The following MARCHF11 variants were observed in gnomAD, a reference collection of about 807,000 sequenced individuals.
MARCHF11 encodes E3 ubiquitin-protein ligase MARCHF11.
In MARCHF11, 29 loss-of-function variants were observed where a neutral mutation model predicts 37.3. That is an observed-to-expected ratio of 0.78 (90% confidence interval 0.58 to 1.06). The LOEUF (loss-of-function observed/expected upper bound fraction) is 1.06. Ranked by LOEUF, MARCHF11 falls within the 50% of genes least tolerant of loss-of-function variation. The pLI is 0.00. For synonymous variants in MARCHF11, 233 were observed against 228.0 expected (o/e 1.02, Z -0.20); for missense variants, 482 against 533.4 (o/e 0.90, Z 0.95).
intron 2 of MARCHF11, among the ~76,000 whole-genome samples, chr5:16,121,816 T>C (rs1011665104): frequency 1.3e-5 from 2 of 152,290 alleles, no homozygotes; most frequent in Non-Finnish European, 1.5e-5. Flanking sequence ...GCAGACTGTA[T>C]CTTCACCACT....
intron 2 of MARCHF11, among the ~76,000 whole-genome samples, chr5:16,112,150 G>C (rs531243514): frequency 6.6e-6 from 1 of 152,310 alleles, no homozygotes; most frequent in African/African-American, 2.4e-5. Flanking sequence ...CCCCCACATG[G>C]AGTCCCCACT....
chr5:16,093,046 G>A (rs140385947), intron 2 of MARCHF11, among the ~76,000 whole-genome samples: 4 of 152,272 alleles, frequency 2.6e-5, no homozygotes, highest in East Asian at 1.9e-4. Flanking sequence ...CTAAATGGGC[G>A]CTACCATGTC....
chr5:16,070,248 G>A (rs1019617418), intron 3 of MARCHF11, among the ~76,000 whole-genome samples: 16 of 151,990 alleles, frequency 1.1e-4, no homozygotes, highest in African/African-American at 3.4e-4. Flanking sequence ...TTAACATTTC[G>A]GGTTCAATTT....
chr5:16,114,507 T>C (rs1737199255), intron 2 of MARCHF11, among the ~76,000 whole-genome samples: 1 of 152,186 alleles, frequency 6.6e-6, no homozygotes, highest in Admixed American at 6.5e-5. Flanking sequence ...ATCTTTTTCT[T>C]ACTTCCAGCT....
At chr5:16,121,847 A>T (rs758613488) in intron 2 of MARCHF11, among the ~76,000 whole-genome samples, 1 of 152,146 alleles carries the variant, frequency 6.6e-6, no homozygotes, top group Non-Finnish European at 1.5e-5. Flanking sequence ...TACCATCAAT[A>T]TTATTGTAGC....
At chr5:16,176,347 A>C (rs1306677159) in intron 2 of MARCHF11, among the ~76,000 whole-genome samples, 1 of 152,172 alleles carries the variant, frequency 6.6e-6, no homozygotes, top group Non-Finnish European at 1.5e-5. Context: ...AAACTGTTGT[A>C]GATCCAATTA....
chr5:16,179,612 G>C lies in MARCHF11; in HGVS notation c.-37C>G. 1 of 1,156,926 alleles carries C rather than the reference G, an allele frequency of 8.6e-7. No individual in the cohort carries two copies. The highest frequency in any genetic ancestry group is 4.7e-5 in the Admixed American group (1 of 21,088). 71.7% of individuals were successfully genotyped at this position (1,156,926 alleles called of 1,614,324 possible). On this transcript the variant is annotated 5_prime_UTR_variant, in exon 1 of 4. Coordinates refer to ENST00000332432, the MANE Select transcript of MARCHF11 (RefSeq NM_001102562.3). ...CGCCGCCCTCCTGCCGGCCCGGCTGGCGGGCCGGGCTCTGGCTGCAGGGAA... is the reference window on the plus strand; with the variant it reads ...CGCCGCCCTCCTGCCGGCCCGGCTGCCGGGCCGGGCTCTGGCTGCAGGGAA...
Position 16,179,655 on chromosome 5 carries a change from C to A in MARCHF11, c.-80G>T. 1.6e-6 allele frequency: 1 copy of A among 609,072 alleles called. No homozygotes were observed. The highest frequency in any genetic ancestry group is 1.9e-6 in the Non-Finnish European group (1 of 526,512). 37.7% of individuals were successfully genotyped at this position (609,072 alleles called of 1,614,324 possible). On this transcript the variant is annotated 5_prime_UTR_variant, in exon 1 of 4. Coordinates refer to ENST00000332432, the MANE Select transcript of MARCHF11 (RefSeq NM_001102562.3). ...GCAGGGAAAGAGAGCGCGGAGGGGG[C>A]GGGAGGGAGAGGGGAAAAGGAGGGA...
chr5:16,088,970 A>G (rs1345344948), intron 3 of MARCHF11, among the ~76,000 whole-genome samples: 1 of 152,186 alleles, frequency 6.6e-6, no homozygotes. Context: ...GTCATATATT[A>G]CTAAAAGATT....
chr5:16,113,257 A>AT (rs918304221), intron 2 of MARCHF11, among the ~76,000 whole-genome samples: 6 of 152,164 alleles, frequency 3.9e-5, no homozygotes, highest in African/African-American at 1.4e-4. Flanking sequence ...TTGTAACATA[A>AT]TTTTTTTCAG....
At chr5:16,083,363 G>T (rs1332483818) in intron 3 of MARCHF11, among the ~76,000 whole-genome samples, 1 of 151,940 alleles carries the variant, frequency 6.6e-6, no homozygotes, top group Admixed American at 6.6e-5. Flanking sequence ...TTGTTCTCTT[G>T]GTAGTTTTAC....
rs1411449350 is a variant in MARCHF11 at position 16,179,279 on chromosome 5, G to C, written c.297C>G (p.Ala99=). 1.8e-4 allele frequency: 236 copies of C among 1,300,902 alleles called. No homozygotes were observed. The highest frequency in any genetic ancestry group is 2.9e-4 in the Middle Eastern group (1 of 3,404). The allele number at this position is 1,300,902 out of a possible 1,614,324, so 80.6% of individuals were successfully genotyped here. ...GCCTCGGACCTTCCCCGGAGTCGCC[G>C]GCCGCCGCCACTTCCTGGCCGGCGG... ...LQPAGQEVAA[A]GDSGEGPRRL... is the part of the protein sequence containing the mutation. Residue 99 remains alanine (A), a synonymous_variant, in exon 1 of 4, where the codon GCC becomes GCG. Coordinates refer to ENST00000332432, the MANE Select transcript of MARCHF11 (RefSeq NM_001102562.3).
intron 2 of MARCHF11, among the ~76,000 whole-genome samples, chr5:16,146,435 G>C (rs777114648): frequency 2.5e-4 from 38 of 152,262 alleles, no homozygotes; most frequent in Admixed American, 1.1e-3. Context: ...TTTGAAAAGA[G>C]TATTCATGTT....
intron 2 of MARCHF11, among the ~76,000 whole-genome samples, chr5:16,150,828 T>C (rs1448200296): frequency 6.6e-6 from 1 of 151,994 alleles, no homozygotes; most frequent in Non-Finnish European, 1.5e-5. Context: ...CTTGAGTCCA[T>C]AACTTATATT....
At chr5:16,142,517 A>C (rs1000597161) in intron 2 of MARCHF11, among the ~76,000 whole-genome samples, 1 of 152,066 alleles carries the variant, frequency 6.6e-6, no homozygotes, top group African/African-American at 2.4e-5. Context: ...TTTTGCCCTA[A>C]GGAATCAAAC....
rs747033833 is a variant in MARCHF11 at position 16,067,744 on chromosome 5, C to T, written c.936G>A (p.Trp312Ter). The change falls in exon 4 of 4, where the codon TGG becomes TGA. Residue 312 changes from tryptophan (W) to a stop codon, truncating the protein, a stop_gained. Transcript: ENST00000332432. LOFTEE classifies it high-confidence loss of function. ...CATCCCAGTGCAAATTCACAGCTCG[C>T]CAGCGCTTAAACACTCTGTAAACTG... ...GAAVYRVFKR[W>*]RAVNLHWDVL... 6.2e-7 allele frequency: 1 copy of T among 1,613,808 alleles called. No homozygotes were observed. The highest frequency in any genetic ancestry group is 2.2e-5 in the East Asian group (1 of 44,878).
At chr5:16,089,147 T>G in intron 3 of MARCHF11, among the ~76,000 whole-genome samples, 1 of 151,812 alleles carries the variant, frequency 6.6e-6, no homozygotes, top group Admixed American at 6.6e-5. Context: ...TCTTTTTGAG[T>G]GTTTATACTG....
chr5:16,098,973 T>A lies in MARCHF11; in HGVS notation c.694-7892A>T, dbSNP rs541892697. ...AAGAACTAGATTAGATTTATTTTTTTAAAAGTTGGCATGTTCTTGTTAAAT... is the reference window on the plus strand; with the variant it reads ...AAGAACTAGATTAGATTTATTTTTTAAAAAGTTGGCATGTTCTTGTTAAAT... On this transcript the variant is annotated intron_variant, in intron 2 of 3. Coordinates refer to ENST00000332432, the MANE Select transcript of MARCHF11 (RefSeq NM_001102562.3). Among the ~76,000 whole-genome samples, 11 of 152,274 alleles carry A rather than the reference T, an allele frequency of 7.2e-5. No homozygotes were observed. The East Asian group carries it at 1.5e-3, about 21-fold the overall frequency.
intron 3 of MARCHF11, among the ~76,000 whole-genome samples, chr5:16,082,791 C>T (rs1288599847): frequency 6.6e-6 from 1 of 152,074 alleles, no homozygotes; most frequent in Non-Finnish European, 1.5e-5. Context: ...CTTCACGTGC[C>T]CCATGATTTA....
Sources: gnomAD v4.1 joint callset for allele counts (sites outside exome capture counted in the v4.1 genomes callset) on GRCh38, gnomAD v4.1.1 for gene constraint, MANE v1.5 for transcripts, NCBI Gene and HGNC (gene_info 2026-07-23, HGNC 2026-07-21) for gene names.